Variants in ADK observed in about 807,000 individuals in gnomAD.
ADK encodes the protein N6,N6-dimethyladenosine kinase.
In ADK, 24 loss-of-function variants were observed where a neutral mutation model predicts 44.7. The observed-to-expected ratio is 0.54, with a 90% CI of 0.39 to 0.76. ADK has a LOEUF of 0.76. ADK is among the 30% of genes least tolerant of loss of function. The pLI is 0.00. For synonymous variants in ADK, 128 were observed against 142.6 expected (o/e 0.90, Z 0.73); for missense variants, 321 against 425.1 (o/e 0.76, Z 2.15).
intron 3 of ADK, among the ~76,000 whole-genome samples, chr10:74,241,561 T>G (rs554375814): frequency 6.6e-6 from 1 of 152,266 alleles, no homozygotes; most frequent in East Asian, 1.9e-4. Context: ...AATTTTTGTA[T>G]TTTTAGTAGA....
At chr10:74,273,503 G>T (rs1226026053) in intron 3 of ADK, among the ~76,000 whole-genome samples, 1 of 151,756 alleles carries the variant, frequency 6.6e-6, no homozygotes, top group Non-Finnish European at 1.5e-5. Context: ...TGTTCCCCAG[G>T]CTGGAGTGTG....
intron 6 of ADK, among the ~76,000 whole-genome samples, chr10:74,461,930 C>T (rs1846184761): frequency 6.6e-6 from 1 of 151,916 alleles, no homozygotes; most frequent in Non-Finnish European, 1.5e-5. Context: ...TATCCTGTTG[C>T]CTGAAATATC....
chr10:74,551,901 C>T (rs1850046551), intron 7 of ADK, among the ~76,000 whole-genome samples: 1 of 152,134 alleles, frequency 6.6e-6, no homozygotes, highest in South Asian at 2.1e-4. Flanking sequence ...GAAGTATTTG[C>T]ATATAACCTA....
intron 6 of ADK, among the ~76,000 whole-genome samples, chr10:74,459,177 G>A (rs1432923488): frequency 2.6e-5 from 4 of 151,906 alleles, no homozygotes; most frequent in Non-Finnish European, 4.4e-5. Context: ...CTACTTGGGA[G>A]GCTGAGGCAG....
At chr10:74,688,086 G>T (rs757666463) in intron 10 of ADK, among the ~76,000 whole-genome samples, 12 of 152,124 alleles carry the variant, frequency 7.9e-5, no homozygotes, top group Non-Finnish European at 1.0e-4. Context: ...ACCTTTGCCT[G>T]CATGATGTAG....
At chr10:74,618,036 T>G (rs1852842246) in intron 9 of ADK, among the ~76,000 whole-genome samples, 1 of 152,190 alleles carries the variant, frequency 6.6e-6, no homozygotes, top group African/African-American at 2.4e-5. Context: ...TATGCCAGCT[T>G]TCTATTGGTT....
At chr10:74,427,808 G>A (rs1481414533) in intron 6 of ADK, among the ~76,000 whole-genome samples, 2 of 151,890 alleles carry the variant, frequency 1.3e-5, no homozygotes, top group Non-Finnish European at 1.5e-5. Context: ...GCAAAGGAGC[G>A]AAGTCACAAT....
At chr10:74,230,253 G>A (rs1242777209) in intron 3 of ADK, among the ~76,000 whole-genome samples, 2 of 151,542 alleles carry the variant, frequency 1.3e-5, no homozygotes, top group African/African-American at 2.4e-5. Context: ...CTCAGGGCCC[G>A]GTTTTTTTTG....
chr10:74,561,770 C>T (rs990421421), intron 7 of ADK, among the ~76,000 whole-genome samples: 10 of 152,094 alleles, frequency 6.6e-5, no homozygotes, highest in African/African-American at 1.7e-4. Flanking sequence ...GCTGGCTAAG[C>T]GAGTCCAAAG....
chr10:74,458,057 T>G (rs1846020465), intron 6 of ADK, among the ~76,000 whole-genome samples: 1 of 151,430 alleles, frequency 6.6e-6, no homozygotes, highest in South Asian at 2.1e-4. Context: ...AAAGATTGGG[T>G]ATTTCACATC....
intron 3 of ADK, among the ~76,000 whole-genome samples, chr10:74,259,710 G>A (rs998258794): frequency 9.2e-5 from 14 of 151,904 alleles, no homozygotes; most frequent in Non-Finnish European, 1.9e-4. Flanking sequence ...GTCTGCCTTC[G>A]CCTCCCAAAG....
Position 74,214,844 on chromosome 10 carries a change from G to A in ADK, c.141-9694G>A, listed in dbSNP as rs116697541. Among the ~76,000 whole-genome samples the A allele has an allele frequency of 4.9e-3, 747 of 152,272 alleles. 4 individuals are homozygous for A. The highest frequency in any genetic ancestry group is 0.017 in the African/African-American group (692 of 41,544). On this transcript the variant is annotated intron_variant, in intron 2 of 10. Transcript: ENST00000539909. ...ATTTATCATAATTGTTAAATAATGCGCTGGACACTTTTTGTGTAATGTTAT... is the reference window on the plus strand; with the variant it reads ...ATTTATCATAATTGTTAAATAATGCACTGGACACTTTTTGTGTAATGTTAT...
Position 74,419,980 on chromosome 10 carries a change from C to CTA in ADK, c.555+21404_555+21405dup, listed in dbSNP as rs1844502523. 7.9e-5 allele frequency among the ~76,000 whole-genome samples: 12 copies of CTA among 152,252 alleles called. 1 individual carries two copies. In the South Asian group the frequency reaches 2.5e-3, roughly 32 times the overall value. Reference sequence around the variant, plus strand: ...ACTTACTTATAATTGACTAGAGCAGCTATAAACCTTAAGATGCTATCTGAA... The same window carrying CTA: ...ACTTACTTATAATTGACTAGAGCAGCTATATAAACCTTAAGATGCTATCTGAA... On this transcript the variant is annotated intron_variant, in intron 6 of 10. Transcript: ENST00000539909.
At position 74,419,763 on chromosome 10, in the gene ADK, T is replaced by C. The variant is rs547312392; in HGVS notation, c.555+21184T>C. Among the ~76,000 whole-genome samples, 8 of 152,326 alleles carry C rather than the reference T, an allele frequency of 5.3e-5. No homozygotes were observed. The South Asian group carries it at 1.7e-3, about 32-fold the overall frequency. On this transcript the variant is annotated intron_variant, in intron 6 of 10. Transcript: ENST00000539909. Reference sequence around the variant, plus strand: ...TAATTAAAATGATAAAACATCGTTATTACATTGAAGACCTTCTGTAAGTTT... The same window carrying C: ...TAATTAAAATGATAAAACATCGTTACTACATTGAAGACCTTCTGTAAGTTT...
intron 2 of ADK, among the ~76,000 whole-genome samples, chr10:74,211,477 A>T (rs1306892397): frequency 6.6e-6 from 1 of 152,218 alleles, no homozygotes; most frequent in Non-Finnish European, 1.5e-5. Context: ...AAACGTATAC[A>T]TCTTATGGTA....
At chr10:74,542,885 GTTATTTATTTAT>G (rs994384171) in intron 7 of ADK, among the ~76,000 whole-genome samples, 1 of 146,290 alleles carries the variant, frequency 6.8e-6, no homozygotes, top group Admixed American at 6.8e-5. Flanking sequence ...TTTTATTTTA[GTTATTTATTTAT>G]TTATTTATTT....
At chr10:74,324,315 C>T (rs563408242) in intron 4 of ADK, among the ~76,000 whole-genome samples, 8 of 152,314 alleles carry the variant, frequency 5.3e-5, no homozygotes. Context: ...CAGTTGTGAG[C>T]CACTGTGCAC....
chr10:74,402,805 T>C (rs1473551714), intron 6 of ADK, among the ~76,000 whole-genome samples: 1 of 152,224 alleles, frequency 6.6e-6, no homozygotes, highest in Non-Finnish European at 1.5e-5. Flanking sequence ...GGAGCTGTGT[T>C]CCTTTGGAGG....
intron 6 of ADK, among the ~76,000 whole-genome samples, chr10:74,462,730 C>T (rs1157792367): frequency 6.6e-6 from 1 of 152,058 alleles, no homozygotes; most frequent in Non-Finnish European, 1.5e-5. Flanking sequence ...ATCTAGCGTC[C>T]AATGTGACAT....
Sources: gnomAD v4.1 joint callset for allele counts (sites outside exome capture counted in the v4.1 genomes callset) on GRCh38, gnomAD v4.1.1 for gene constraint, MANE v1.5 for transcripts, NCBI Gene and HGNC (gene_info 2026-07-23, HGNC 2026-07-21) for gene names.